Variants in CTNNA3 observed in about 807,000 individuals in gnomAD.
The protein encoded by CTNNA3 is catenin alpha 3, also known as catenin alpha-3.
Under a neutral mutation model 95.7 loss-of-function variants are expected in CTNNA3, and 76 were observed. That is an observed-to-expected ratio of 0.79 (90% CI 0.66 to 0.96). The LOEUF is 0.96. Ranked by LOEUF, CTNNA3 falls within the 40% of genes least tolerant of loss-of-function variation. The pLI, the probability that CTNNA3 is intolerant of heterozygous loss-of-function variation, is 0.00. For missense variants in CTNNA3, 1,191 were observed against 1,089.8 expected (o/e 1.09, Z -1.31); for synonymous variants, 431 against 374.4 (o/e 1.15, Z -1.74).
In CTNNA3 at chr10:67,750,860, A is replaced by G. The variant is rs1477033994; in HGVS notation, c.-2+12574T>C. The G allele has an allele frequency of 3.7e-6, 6 of 1,610,744 alleles. No homozygotes were observed. In the East Asian group the frequency reaches 1.3e-4, roughly 36 times the overall value. On this transcript the variant is annotated intron_variant, in intron 1 of 17. Transcript: ENST00000684154. ...GTTGAGTGTCACCCATACCTCACACAGGAGAAACTGATCCAGTACTGCCAC... is the reference window on the plus strand; with the variant it reads ...GTTGAGTGTCACCCATACCTCACACGGGAGAAACTGATCCAGTACTGCCAC...
At chr10:67,014,459 T>A (rs2133050639) in intron 7 of CTNNA3, among the ~76,000 whole-genome samples, 1 of 152,320 alleles carries the variant, frequency 6.6e-6, no homozygotes, top group South Asian at 2.1e-4. Context: ...GGTGCCTGTT[T>A]GTAACATATG....
chr10:66,125,215 T>C (rs2082765314), intron 13 of CTNNA3, among the ~76,000 whole-genome samples: 1 of 152,192 alleles, frequency 6.6e-6, no homozygotes, highest in South Asian at 2.1e-4. Context: ...TCTTTTTTTC[T>C]TATTTTTAAT....
intron 17 of CTNNA3, among the ~76,000 whole-genome samples, chr10:65,963,069 C>T (rs2077884700): frequency 6.6e-6 from 1 of 152,100 alleles, no homozygotes; most frequent in Non-Finnish European, 1.5e-5. Flanking sequence ...CCTTTAGTCC[C>T]TTATCTTTCT....
At position 66,342,184 on chromosome 10, in the gene CTNNA3, G is replaced by A. The variant is rs926445234; in HGVS notation, c.1732+36968C>T. Among the ~76,000 whole-genome samples, 7 of 151,854 alleles carry A rather than the reference G, an allele frequency of 4.6e-5. No individual in the cohort carries two copies. The East Asian group carries it at 7.7e-4, about 17-fold the overall frequency. On this transcript the variant is annotated intron_variant, in intron 12 of 17. Transcript: ENST00000433211. ...TGCAATAGTCCAAATAGTCTAAACC[G>A]TACTTAGCATTTAGTGTTCAACCAA...
intron 9 of CTNNA3, among the ~76,000 whole-genome samples, chr10:66,674,908 A>G (rs1383817485): frequency 6.6e-6 from 1 of 152,038 alleles, no homozygotes; most frequent in Non-Finnish European, 1.5e-5. Context: ...AAAGAGAAAA[A>G]GCAAAGTTAA....
At chr10:66,749,623 C>A (rs1839051792) in intron 9 of CTNNA3, among the ~76,000 whole-genome samples, 1 of 152,170 alleles carries the variant, frequency 6.6e-6, no homozygotes, top group Admixed American at 6.6e-5. Flanking sequence ...TGAAGGACAT[C>A]TTGATTGCTT....
intron 7 of CTNNA3, among the ~76,000 whole-genome samples, chr10:67,123,348 G>A (rs144355920): frequency 8.2e-4 from 124 of 152,102 alleles, no homozygotes; most frequent in African/African-American, 2.9e-3. Context: ...TCCAATGAAC[G>A]GCCAGTTAAT....
intron 7 of CTNNA3, among the ~76,000 whole-genome samples, chr10:67,156,111 T>C (rs76705473): frequency 0.066 from 10,090 of 152,156 alleles, 405 homozygotes; most frequent in South Asian, 0.2. Context: ...TTTAAGATCC[T>C]TTCTATTTCT....
At chr10:66,444,935 C>T (rs1017822209) in intron 11 of CTNNA3, among the ~76,000 whole-genome samples, 12 of 151,966 alleles carry the variant, frequency 7.9e-5, no homozygotes, top group Non-Finnish European at 1.0e-4. Flanking sequence ...ACCCATCTCA[C>T]GTGCAGAGAC....
chr10:66,091,917 T>A (rs1189913063), intron 14 of CTNNA3, among the ~76,000 whole-genome samples: 1 of 151,862 alleles, frequency 6.6e-6, no homozygotes, highest in Non-Finnish European at 1.5e-5. Context: ...AAGCTATGCA[T>A]ATAAGATAAT....
At chr10:66,116,939 C>T (rs2082366853) in intron 13 of CTNNA3, among the ~76,000 whole-genome samples, 1 of 152,078 alleles carries the variant, frequency 6.6e-6, no homozygotes, top group Non-Finnish European at 1.5e-5. Flanking sequence ...TCAATCACCA[C>T]CCCCCCAGGC....
chr10:65,965,087 A>G (rs2133252186), intron 17 of CTNNA3, among the ~76,000 whole-genome samples: 1 of 152,220 alleles, frequency 6.6e-6, no homozygotes. Flanking sequence ...CAAAGACACT[A>G]TTTTTCCCCC....
intron 7 of CTNNA3, among the ~76,000 whole-genome samples, chr10:66,834,775 C>T (rs896570308): frequency 8.5e-5 from 13 of 152,212 alleles, no homozygotes; most frequent in Admixed American, 7.9e-4. Context: ...TCTTTTCACC[C>T]TAGACCACAG....
chr10:66,883,430 G>A (rs2132472767), intron 7 of CTNNA3, among the ~76,000 whole-genome samples: 1 of 152,166 alleles, frequency 6.6e-6, no homozygotes, highest in African/African-American at 2.4e-5. Context: ...TTATGCCAAG[G>A]TCACCAGAAG....
At chr10:67,027,367 T>G (rs1424437833) in intron 7 of CTNNA3, among the ~76,000 whole-genome samples, 1 of 152,120 alleles carries the variant, frequency 6.6e-6, no homozygotes, top group African/African-American at 2.4e-5. Flanking sequence ...ATTACTTTAA[T>G]GACTCAGAAA....
intron 11 of CTNNA3, among the ~76,000 whole-genome samples, chr10:66,475,865 A>G (rs1839307259): frequency 6.6e-6 from 1 of 152,136 alleles, no homozygotes. Flanking sequence ...ATTACTGGGT[A>G]TATACTCAAA....
chr10:67,158,632 C>T (rs1314930174), intron 7 of CTNNA3, among the ~76,000 whole-genome samples: 1 of 152,056 alleles, frequency 6.6e-6, no homozygotes, highest in Admixed American at 6.6e-5. Context: ...ACGAATTGGA[C>T]CCTGAAGCCA....
At chr10:66,968,346 TTA>T (rs961646168) in intron 7 of CTNNA3, among the ~76,000 whole-genome samples, 5 of 149,022 alleles carry the variant, frequency 3.4e-5, no homozygotes, top group South Asian at 2.1e-4. Context: ...TAAATAAATA[TTA>T]TATATATATA....
rs561478321 is a variant in CTNNA3, at chr10:66,659,605, G to A, written c.1282-37821C>T. On this transcript the variant is annotated intron_variant, in intron 9 of 17. Coordinates refer to ENST00000433211, the MANE Select transcript of CTNNA3 (RefSeq NM_013266.4). Reference sequence around the variant, plus strand: ...TTTAAATCCTAACCTCCAAGGTGATGGTATTAGGAGATGGGACCTTTGGGA... The same window carrying A: ...TTTAAATCCTAACCTCCAAGGTGATAGTATTAGGAGATGGGACCTTTGGGA... Among the ~76,000 whole-genome samples, 211 of 152,278 alleles carry A rather than the reference G, an allele frequency of 1.4e-3. 1 individual carries two copies. Among genetic ancestry groups the A allele is most frequent in the African/African-American group, 5.0e-3 (208 of 41,546 alleles).
Sources: allele counts gnomAD v4.1 joint callset (sites outside exome capture counted in the v4.1 genomes callset), GRCh38; gene constraint gnomAD v4.1.1; transcripts MANE v1.5; gene names NCBI Gene and HGNC (gene_info 2026-07-23, HGNC 2026-07-21).